The following ZNF91 variants were observed in gnomAD, a reference collection of about 807,000 sequenced individuals.
ZNF91 encodes the protein zinc finger protein 91 (HPF7, HTF10).
A neutral mutation model predicts 12.6 loss-of-function variants in ZNF91; 7 were observed. The ratio of observed to expected loss-of-function variants is 0.55; its 90% confidence interval spans 0.31 to 1.04. The LOEUF is 1.04. Ranked by LOEUF, ZNF91 falls within the 50% of genes least tolerant of loss-of-function variation. The pLI, the probability that ZNF91 is intolerant of heterozygous loss-of-function variation, is 0.05. For missense variants in ZNF91, 1,217 were observed against 1,385.4 expected, an observed-to-expected ratio of 0.88 and a Z score of 1.93; for synonymous variants, 453 against 462.6, an observed-to-expected ratio of 0.98 and a Z score of 0.27.
At chr19:23,319,256 A>G (rs1967633737) in intron 1 of ZNF91, among the ~76,000 whole-genome samples, 1 of 152,200 alleles carries the variant, frequency 6.6e-6, no homozygotes, top group Non-Finnish European at 1.5e-5. Context: ...GCCTGAGCTC[A>G]GCATAAATTG....
chr19:23,353,467 G>C (rs1310148641), downstream of ZNF91, among the ~76,000 whole-genome samples: 1 of 152,094 alleles, frequency 6.6e-6, no homozygotes, highest in East Asian at 1.9e-4. Flanking sequence ...GTGATGAAGA[G>C]GAAACTTCAC....
chr19:23,388,835 T>C (rs972926704), intron 1 of ZNF91, among the ~76,000 whole-genome samples: 1 of 141,364 alleles, frequency 7.1e-6, no homozygotes, highest in Non-Finnish European at 1.5e-5. Context: ...GATCACGCCA[T>C]TGCACTCCAG....
At chr19:23,322,377 A>G (rs1204485850) in intron 1 of ZNF91, among the ~76,000 whole-genome samples, 1 of 152,136 alleles carries the variant, frequency 6.6e-6, no homozygotes, top group Non-Finnish European at 1.5e-5. Flanking sequence ...TAGGCCCAGC[A>G]CCTAACTGTT....
At chr19:23,366,343 G>T (rs1969015814) in intron 3 of ZNF91, among the ~76,000 whole-genome samples, 1 of 152,206 alleles carries the variant, frequency 6.6e-6, no homozygotes, top group African/African-American at 2.4e-5. Flanking sequence ...AATCCTTAAA[G>T]ATCTTCTATA....
chr19:23,373,346 TTATATA>T (rs200251921), intron 3 of ZNF91, among the ~76,000 whole-genome samples: 3,530 of 85,594 alleles, frequency 0.041, 80 homozygotes, highest in Admixed American at 0.085. Flanking sequence ...TCATGTAATC[TTATATA>T]TATATATATA....
intron 3 of ZNF91, among the ~76,000 whole-genome samples, chr19:23,344,594 C>A (rs1325986207): frequency 6.6e-6 from 1 of 152,030 alleles, no homozygotes; most frequent in Non-Finnish European, 1.5e-5. Flanking sequence ...TAATTCCATC[C>A]TTTTTCAGTG....
chr19:23,324,578 T>C (rs189292357), intron 1 of ZNF91: 29 of 151,400 alleles, frequency 1.9e-4, no homozygotes, highest in African/African-American at 4.8e-4. Flanking sequence ...CATATATATA[T>C]ACACATATAT....
At chr19:23,336,459 C>T (rs527623002), downstream of ZNF91, among the ~76,000 whole-genome samples, 26 of 152,290 alleles carry the variant, frequency 1.7e-4, no homozygotes, top group African/African-American at 6.3e-4. Flanking sequence ...AGCTAATCTT[C>T]AATTATGCAA....
At chr19:23,372,937 G>A (rs372541554) in intron 3 of ZNF91, among the ~76,000 whole-genome samples, 1 of 152,272 alleles carries the variant, frequency 6.6e-6, no homozygotes, top group East Asian at 1.9e-4. Context: ...GGTCTGCCCT[G>A]CAGAGCAAAG....
At chr19:23,345,859 C>T (rs1968215546) in intron 3 of ZNF91, among the ~76,000 whole-genome samples, 1 of 152,038 alleles carries the variant, frequency 6.6e-6, no homozygotes, top group Admixed American at 6.6e-5. Context: ...CCTCCCCCAC[C>T]GCCCTCTCCT....
At chr19:23,367,850 T>C (rs1185657916) in intron 3 of ZNF91, among the ~76,000 whole-genome samples, 1 of 152,188 alleles carries the variant, frequency 6.6e-6, no homozygotes, top group African/African-American at 2.4e-5. Context: ...ATTATTTCCT[T>C]AAACCATATG....
At chr19:23,377,438 T>G (rs887182060) in intron 1 of ZNF91, among the ~76,000 whole-genome samples, 2 of 152,238 alleles carry the variant, frequency 1.3e-5, no homozygotes, top group African/African-American at 4.8e-5. Context: ...ACTCAAGCTT[T>G]AATTAGCTTA....
intron 1 of ZNF91, among the ~76,000 whole-genome samples, chr19:23,382,566 C>T (rs769174524): frequency 6.6e-5 from 10 of 152,128 alleles, no homozygotes; most frequent in Non-Finnish European, 1.5e-4. Flanking sequence ...CTAAAAATAA[C>T]ATAACATACA....
intron 1 of ZNF91, among the ~76,000 whole-genome samples, chr19:23,323,719 TCTA>T (rs1387454785): frequency 3.1e-5 from 4 of 130,738 alleles, no homozygotes; most frequent in African/African-American, 6.3e-5. Flanking sequence ...CTTCTTTTCT[TCTA>T]CGCCTTCTCC....
At chr19:23,318,633 T>C (rs1967620321) in intron 1 of ZNF91, among the ~76,000 whole-genome samples, 1 of 151,806 alleles carries the variant, frequency 6.6e-6, no homozygotes, top group African/African-American at 2.4e-5. Flanking sequence ...TGACTCTTCT[T>C]GCTTACTTGG....
chr19:23,361,186 C>G lies in ZNF91; in HGVS notation c.1793G>C (p.Gly598Ala). 1.9e-6 allele frequency: 3 copies of G among 1,613,264 alleles called. No individual in the cohort carries two copies. The highest frequency in any genetic ancestry group is 2.5e-6 in the Non-Finnish European group (3 of 1,179,752). The change falls in exon 4 of 4, where the codon GGA becomes GCA. Residue 598 changes from glycine (G) to alanine (A), a missense_variant. Gly to Ala is a moderately conservative substitution (Grantham distance 60). Transcript: ENST00000300619. ...TTCTTCACACTTGTAAGACTTCTCTCCAGTATGAATTATCTTATGTGTAGA... is the reference window on the plus strand; with the variant it reads ...TTCTTCACACTTGTAAGACTTCTCTGCAGTATGAATTATCTTATGTGTAGA... ...SLSTHKIIHT[G>A]EKSYKCEECG...
chr19:23,336,188 T>C (rs12975761), downstream of ZNF91, among the ~76,000 whole-genome samples: 28,583 of 152,090 alleles, frequency 0.19, 2,891 homozygotes, highest in Non-Finnish European at 0.21. Flanking sequence ...TTGTTTGGGG[T>C]GAATGCCTGA....
chr19:23,340,390 G>T (rs1393416117), intron 3 of ZNF91, among the ~76,000 whole-genome samples: 1 of 152,032 alleles, frequency 6.6e-6, no homozygotes, highest in Non-Finnish European at 1.5e-5. Flanking sequence ...CACTAGAAAC[G>T]ATTATAAACA....
At chr19:23,311,549 G>T (rs1404105242), upstream of ZNF91, among the ~76,000 whole-genome samples, 2 of 152,148 alleles carry the variant, frequency 1.3e-5, no homozygotes, top group African/African-American at 4.8e-5. Context: ...TTAGGGTATT[G>T]TGACGTATTT....
Sources: gnomAD v4.1 joint callset for allele counts (sites outside exome capture counted in the v4.1 genomes callset) on GRCh38, gnomAD v4.1.1 for gene constraint, MANE v1.5 for transcripts, NCBI Gene and HGNC (gene_info 2026-07-23, HGNC 2026-07-21) for gene names.